Variants in DMXL1 observed in about 807,000 individuals in gnomAD.
DMXL1 encodes the protein dmX-like protein 1.
In DMXL1, 99 loss-of-function variants were observed where a neutral mutation model predicts 319.2. The observed-to-expected ratio is 0.31, with a 90% confidence interval of 0.26 to 0.37. The LOEUF is 0.37. Among genes scored for constraint, DMXL1 ranks in the 10% least tolerant of loss-of-function variants. The pLI is 1.00. For missense variants in DMXL1, 3,745 were observed against 3,595.6 expected, an observed-to-expected ratio of 1.04 and a Z score of -1.06; for synonymous variants, 1,385 against 1,235.2, an observed-to-expected ratio of 1.12 and a Z score of -2.54.
At chr5:119,121,256 A>G in intron 9 of DMXL1, 117 bp downstream of exon 9, 1 of 771,108 alleles carries the variant, frequency 1.3e-6, no homozygotes, top group Non-Finnish European at 1.8e-6. Context: ...GTCTTAGCCT[A>G]TTTTTCTTTT....
chr5:119,208,423 C>A (rs972940931), intron 34 of DMXL1, among the ~76,000 whole-genome samples: 1 of 151,810 alleles, frequency 6.6e-6, no homozygotes, highest in Non-Finnish European at 1.5e-5. Flanking sequence ...CATGTTGGTC[C>A]GGCTGGTCTT....
intron 25 of DMXL1, among the ~76,000 whole-genome samples, chr5:119,174,479 T>C (rs1240030046): frequency 6.6e-6 from 1 of 152,228 alleles, no homozygotes; most frequent in Non-Finnish European, 1.5e-5. Context: ...TCTTCAATTA[T>C]ATAATATCTT....
intron 9 of DMXL1, among the ~76,000 whole-genome samples, chr5:119,121,938 G>A (rs867621463): frequency 3.4e-5 from 5 of 146,004 alleles, no homozygotes; most frequent in Admixed American, 6.7e-5. Flanking sequence ...CCTCCCGGAC[G>A]GGGCGGCTGG....
At chr5:119,072,544 A>C (rs951196621) in intron 1 of DMXL1, among the ~76,000 whole-genome samples, 1 of 152,214 alleles carries the variant, frequency 6.6e-6, no homozygotes, top group African/African-American at 2.4e-5. Flanking sequence ...TCTTTAAAAA[A>C]AATAAAAGTA....
At chr5:119,086,287 A>T (rs1312782195) in intron 1 of DMXL1, among the ~76,000 whole-genome samples, 1 of 152,178 alleles carries the variant, frequency 6.6e-6, no homozygotes, top group Non-Finnish European at 1.5e-5. Context: ...GGTCCCTTCC[A>T]CAACACATGG....
Position 119,224,739 on chromosome 5 carries a change from A to G in DMXL1, c.8308A>G (p.Arg2770Gly), listed in dbSNP as rs747187530. The G allele has an allele frequency of 2.6e-5, 34 of 1,327,170 alleles. No individual in the cohort carries two copies. Among genetic ancestry groups the G allele is most frequent in the South Asian group, 5.3e-5 (3 of 56,486 alleles). 82.2% of individuals were successfully genotyped at this position (1,327,170 alleles called of 1,614,324 possible). The change falls in exon 38 of 44, where the codon AGA becomes GGA. Residue 2770 changes from arginine (R) to glycine (G), a missense_variant. Physicochemically the swap from Arg to Gly is moderately radical, Grantham distance 125. Around this residue, in one of 4 missense-constraint regions of DMXL1, gnomAD observed 1,382 missense variants for 1,269.5 expected, o/e 1.09. Transcript: ENST00000539542. ...MIKKAINNVR[R>G]MTSHPTLPYY... is the part of the protein sequence containing the mutation. ...TAAGAAAGCCATTAATAATGTTAGAAGAATGACTTCTCATCCAACTCTTCC... is the reference window on the plus strand; with the variant it reads ...TAAGAAAGCCATTAATAATGTTAGAGGAATGACTTCTCATCCAACTCTTCC...
chr5:119,113,589 C>T (rs1760157661), intron 5 of DMXL1, among the ~76,000 whole-genome samples: 1 of 152,034 alleles, frequency 6.6e-6, no homozygotes, highest in African/African-American at 2.4e-5. Context: ...AGTTTCTAGC[C>T]CTACTTTTCC....
Position 119,244,415 on chromosome 5 carries a change from C to T in DMXL1, c.8761C>T (p.Leu2921=), listed in dbSNP as rs1789372066. Residue 2921 remains leucine, a synonymous_variant, in exon 43 of 44, where the codon CTA becomes TTA. Transcript: ENST00000539542. ...TVLAYAPKHQ[L]LISGGRKGFT... ...TTTAGCATATGCTCCAAAACATCAG[C>T]TACTAATATCAGGTGGCAGAAAAGG... The T allele has an allele frequency of 1.9e-6, 3 of 1,613,926 alleles. No individual in the cohort carries two copies. The highest frequency in any genetic ancestry group is 2.7e-5 in the African/African-American group (2 of 74,894).
intron 13 of DMXL1, among the ~76,000 whole-genome samples, chr5:119,136,084 C>T (rs146891524): frequency 2.0e-4 from 30 of 152,278 alleles, no homozygotes; most frequent in Middle Eastern, 3.4e-3. Context: ...AATGAAGTCC[C>T]GGCTGAGGTA....
At chr5:119,123,791 TG>T (rs746151761) in intron 9 of DMXL1, among the ~76,000 whole-genome samples, 32 of 144 alleles carry the variant, frequency 0.22, no homozygotes, top group Non-Finnish European at 0.31. Context: ...CCACTGTGCC[TG>T]GCCTTTCTTT....
At chr5:119,101,453 A>G (rs1220983583) in intron 2 of DMXL1, among the ~76,000 whole-genome samples, 1 of 152,238 alleles carries the variant, frequency 6.6e-6, no homozygotes, top group African/African-American at 2.4e-5. Flanking sequence ...CCATCAATTT[A>G]AAGAGTAAAT....
At chr5:119,175,104 TA>T (rs1775541666) in intron 25 of DMXL1, among the ~76,000 whole-genome samples, 156 bp from the exon 26 acceptor site, 1 of 152,114 alleles carries the variant, frequency 6.6e-6, no homozygotes, top group African/African-American at 2.4e-5. Flanking sequence ...CTCATGTAGA[TA>T]AAAATGAGTG....
rs981604844 is a variant in DMXL1, at chr5:119,110,148, T to C, written c.365-3T>C. ...AATAAATGAGGAATAATATTTTTTTTAGGCAGTCGTCTTTTAACTGGTTCC... is the reference window on the plus strand; with the variant it reads ...AATAAATGAGGAATAATATTTTTTTCAGGCAGTCGTCTTTTAACTGGTTCC... On this transcript the variant is annotated splice_polypyrimidine_tract_variant and splice_region_variant and intron_variant, in intron 4 of 43. Transcript: ENST00000539542. The C allele has an allele frequency of 8.2e-6, 13 of 1,589,668 alleles. No homozygotes were observed. Among genetic ancestry groups the C allele is most frequent in the Non-Finnish European group, 1.0e-5 (12 of 1,171,464 alleles).
chr5:119,123,126 T>C (rs987608459), intron 9 of DMXL1, among the ~76,000 whole-genome samples: 9 of 151,664 alleles, frequency 5.9e-5, no homozygotes, highest in Non-Finnish European at 1.3e-4. Context: ...CACAGCGAAA[T>C]CCCGTCTCCA....
chr5:119,080,524 C>A (rs540611500), intron 1 of DMXL1, among the ~76,000 whole-genome samples: 1 of 152,154 alleles, frequency 6.6e-6, no homozygotes, highest in African/African-American at 2.4e-5. Flanking sequence ...ATCCTTAACA[C>A]CTAATCCTCC....
intron 7 of DMXL1, among the ~76,000 whole-genome samples, chr5:119,117,575 A>G (rs1404917753): frequency 1.3e-5 from 2 of 152,076 alleles, no homozygotes; most frequent in African/African-American, 2.4e-5. Context: ...AAAAGATGCT[A>G]GGAAGGGAGA....
intron 16 of DMXL1, 77 bp from the exon 17 acceptor site, chr5:119,147,172 G>T: frequency 7.6e-7 from 1 of 1,314,490 alleles, no homozygotes; most frequent in South Asian, 1.3e-5. Context: ...GGCAGTTTTG[G>T]ATTGTAAAAT....
chr5:119,144,908 G>A (rs761726219), intron 15 of DMXL1, among the ~76,000 whole-genome samples: 5 of 151,614 alleles, frequency 3.3e-5, no homozygotes, highest in African/African-American at 4.8e-5. Context: ...CTTTTTGCAT[G>A]GATGGGGTCC....
At chr5:119,161,734 G>A (rs1772318567) in intron 19 of DMXL1, among the ~76,000 whole-genome samples, 1 of 152,212 alleles carries the variant, frequency 6.6e-6, no homozygotes, top group African/African-American at 2.4e-5. Flanking sequence ...CTACCAGTCT[G>A]GGCGGGGCTT....
Sources: gnomAD v4.1 joint callset for allele counts (sites outside exome capture counted in the v4.1 genomes callset) on GRCh38, gnomAD v4.1.1 for gene constraint, gnomAD v4.1.1 regional missense constraint, MANE v1.5 for transcripts, NCBI Gene and HGNC (gene_info 2026-07-23, HGNC 2026-07-21) for gene names.